The following IRAG2 variants were observed in gnomAD, a reference collection of about 807,000 sequenced individuals.
IRAG2 encodes inositol 1,4,5-triphosphate receptor associated 2, also known as lymphoid restricted membrane protein.
Under a neutral mutation model 69.9 loss-of-function variants are expected in IRAG2, and 45 were observed. The ratio of observed to expected loss-of-function variants is 0.64; its 90% CI spans 0.51 to 0.83. The LOEUF (loss-of-function observed/expected upper bound fraction) is 0.83. Ranked by LOEUF, IRAG2 falls within the 40% of genes least tolerant of loss-of-function variation. The pLI is 0.00. For synonymous variants in IRAG2, 193 were observed against 202.4 expected (o/e 0.95, Z 0.40); for missense variants, 520 against 587.0 (o/e 0.89, Z 1.18).
chr12:25,092,705 CAGA>C (rs1310603989), intron 14 of IRAG2: 1 of 153,848 alleles, frequency 6.5e-6, no homozygotes, highest in Non-Finnish European at 1.5e-5. Flanking sequence ...TGATATTTTA[CAGA>C]AGATTTTCAG....
chr12:25,049,319 A>G (rs1285156117), upstream of IRAG2, among the ~76,000 whole-genome samples: 3 of 152,200 alleles, frequency 2.0e-5, no homozygotes, highest in Admixed American at 2.0e-4. Flanking sequence ...CATTGAATCT[A>G]TAAATTACTT....
At position 25,015,261 on chromosome 12, in the gene IRAG2, AGTAT is replaced by A. The variant is rs1944517600; in HGVS notation, c.976+7_976+10del. On this transcript the variant is annotated splice_donor_variant and splice_donor_region_variant and intron_variant, in intron 4 of 38. Transcript: ENST00000636465. LOFTEE classifies it high-confidence loss of function. The stretch of plus-strand genomic sequence containing the variant: ...GGATGGCATAAAATCAGATGGAACA[AGTAT>A]GTATGTGTTTCTTCAGGATTGTTCT... 3 of 1,231,054 alleles carry A rather than the reference AGTAT, an allele frequency of 2.4e-6. No homozygotes were observed. The highest frequency in any genetic ancestry group is 3.0e-6 in the Non-Finnish European group (3 of 987,652). 76.3% of individuals were successfully genotyped at this position (1,231,054 alleles called of 1,614,324 possible). A position where few individuals can be genotyped will look rare whatever the true frequency, so the allele number is the denominator to read the frequency against.
upstream of IRAG2, among the ~76,000 whole-genome samples, chr12:25,047,373 A>G (rs1944803253): frequency 1.3e-5 from 2 of 152,234 alleles, no homozygotes; most frequent in Non-Finnish European, 2.9e-5. Flanking sequence ...ATGCAATGAA[A>G]AGACAACCTA....
chr12:25,089,062 C>T (rs1445316189), intron 11 of IRAG2, among the ~76,000 whole-genome samples: 3 of 152,120 alleles, frequency 2.0e-5, no homozygotes, highest in African/African-American at 7.2e-5. Context: ...ACTTTAAATC[C>T]AATGCTCTTA....
chr12:25,101,431 TTA>T (rs2140239924), intron 16 of IRAG2, 106 bp downstream of exon 16: 1 of 732,970 alleles, frequency 1.4e-6, no homozygotes, highest in Non-Finnish European at 2.0e-6. Flanking sequence ...TAGGTTAACT[TTA>T]TATTAGAAAA....
At chr12:25,036,559 T>C (rs551887219) in intron 14 of IRAG2, 18 of 398,818 alleles carry the variant, frequency 4.5e-5, no homozygotes, top group Non-Finnish European at 7.1e-5. Context: ...GTCTTCCTAG[T>C]TGAAGATGTG....
exon 8 of IRAG2, chr12:25,023,874 A>G (rs1944602000): frequency 1.6e-6 from 2 of 1,224,128 alleles, no homozygotes; most frequent in Non-Finnish European, 1.0e-6. Flanking sequence ...GAATTAGGAG[A>G]CAGAAAACCG....
intron 3 of IRAG2, among the ~76,000 whole-genome samples, chr12:25,012,530 G>T (rs557698937): frequency 5.5e-4 from 83 of 151,996 alleles, no homozygotes; most frequent in Non-Finnish European, 8.8e-4. Flanking sequence ...GCTAGGATTT[G>T]CTTAAAGAAA....
intron 7 of IRAG2, among the ~76,000 whole-genome samples, chr12:25,022,268 T>C (rs1046617585): frequency 6.6e-6 from 1 of 151,798 alleles, no homozygotes; most frequent in Non-Finnish European, 1.5e-5. Context: ...CTGAGGCGGG[T>C]GGGTCACTTG....
intron 6 of IRAG2, among the ~76,000 whole-genome samples, chr12:25,017,973 T>C (rs150260566): frequency 2.6e-5 from 4 of 152,290 alleles, no homozygotes; most frequent in African/African-American, 9.6e-5. Flanking sequence ...CTTATTTCAC[T>C]TAGCATAATG....
chr12:24,998,469 A>C, the IRAG2 span, among the ~76,000 whole-genome samples: 1 of 152,176 alleles, frequency 6.6e-6, no homozygotes, highest in Non-Finnish European at 1.5e-5. Context: ...AGTCACAAAG[A>C]GAATGAAAAC....
intron 14 of IRAG2, among the ~76,000 whole-genome samples, chr12:25,091,703 A>G (rs1027134664): frequency 3.3e-5 from 5 of 152,108 alleles, no homozygotes; most frequent in African/African-American, 9.7e-5. Flanking sequence ...CATAGCAGCT[A>G]TATCATTTTA....
upstream of IRAG2, among the ~76,000 whole-genome samples, chr12:24,999,683 T>C (rs547903405): frequency 1.3e-5 from 2 of 152,276 alleles, no homozygotes; most frequent in African/African-American, 4.8e-5. Flanking sequence ...GCAGTGCATA[T>C]AATAGCCACA....
At chr12:25,102,916 A>C (rs1213702414) in intron 17 of IRAG2, 2 of 152,264 alleles carry the variant, frequency 1.3e-5, no homozygotes. Context: ...TTTTTGAATA[A>C]GTGACTTTAA....
rs140716728 is a variant in IRAG2 at position 25,025,665 on chromosome 12, C to T, written c.1384-1124C>T. 3.5e-3 allele frequency among the ~76,000 whole-genome samples: 540 copies of T among 152,232 alleles called. 3 individuals are homozygous for T. Among genetic ancestry groups the T allele is most frequent in the Non-Finnish European group, 4.2e-3 (287 of 68,020 alleles). On this transcript the variant is annotated intron_variant, in intron 8 of 38. Transcript: ENST00000636465. Reference sequence around the variant, plus strand: ...CGGGGCAAGAGAAAAAGCAGGAAGACCAATTAAGAGGTCTTTGCAATGATC... The same window carrying T: ...CGGGGCAAGAGAAAAAGCAGGAAGATCAATTAAGAGGTCTTTGCAATGATC...
exon 1 of IRAG2, chr12:25,004,523 T>A (rs886158127): frequency 2.4e-6 from 3 of 1,231,984 alleles, no homozygotes. Context: ...GAAGAGGTAC[T>A]GAGGAAAATG....
intron 10 of IRAG2, chr12:25,032,021 G>A (rs185744417): frequency 2.7e-4 from 108 of 395,290 alleles, no homozygotes; most frequent in African/African-American, 2.0e-3. Flanking sequence ...TAGTGAGACT[G>A]GTAGAATCGC....
chr12:25,093,074 A>G (rs966126097), intron 14 of IRAG2: 3 of 153,000 alleles, frequency 2.0e-5, no homozygotes, highest in African/African-American at 7.2e-5. Flanking sequence ...GTACAATAAA[A>G]TTTATTGATG....
chr12:25,029,311 C>G (rs1565529710), intron 9 of IRAG2, among the ~76,000 whole-genome samples: 1 of 152,134 alleles, frequency 6.6e-6, no homozygotes, highest in South Asian at 2.1e-4. Flanking sequence ...GTGGAAAGAG[C>G]CAGAAGACAC....
Sources: gnomAD v4.1 joint callset for allele counts (sites outside exome capture counted in the v4.1 genomes callset) on GRCh38, gnomAD v4.1.1 for gene constraint, MANE v1.5 for transcripts, NCBI Gene and HGNC (gene_info 2026-07-23, HGNC 2026-07-21) for gene names.